The following TCF7 variants were observed in gnomAD, a reference collection of about 807,000 sequenced individuals.
The protein encoded by TCF7 is T-cell-factor-7.
In TCF7, 19 loss-of-function variants were observed where a neutral mutation model predicts 46.8. That is an observed-to-expected ratio of 0.41 (90% CI 0.28 to 0.60). The LOEUF (loss-of-function observed/expected upper bound fraction) is 0.60, where lower values mean the gene tolerates loss of function less well. Ranked by LOEUF, TCF7 falls within the 20% of genes least tolerant of loss-of-function variation. The pLI is 0.35. For missense variants in TCF7, 547 were observed against 504.6 expected (o/e 1.08, Z -0.81); for synonymous variants, 245 against 213.4 (o/e 1.15, Z -1.29).
chr5:134,135,065 T>G (rs1001565453), intron 3 of TCF7, among the ~76,000 whole-genome samples: 1 of 152,196 alleles, frequency 6.6e-6, no homozygotes, highest in African/African-American at 2.4e-5. Context: ...ATGATCCTCC[T>G]CCCTCAACCT....
intron 3 of TCF7, among the ~76,000 whole-genome samples, chr5:134,130,374 G>A (rs978069031): frequency 3.3e-5 from 5 of 152,190 alleles, no homozygotes; most frequent in African/African-American, 1.2e-4. Flanking sequence ...AGACACAGAC[G>A]CCTAGGGAGC....
At chr5:134,119,571 C>T (rs114884188) in intron 3 of TCF7, among the ~76,000 whole-genome samples, 149 of 152,362 alleles carry the variant, frequency 9.8e-4, no homozygotes, top group African/African-American at 3.5e-3. Context: ...TGTCCCTGAT[C>T]TCCACAGTTG....
At chr5:134,138,435 G>T (rs775979503) in intron 4 of TCF7, among the ~76,000 whole-genome samples, 1 of 152,256 alleles carries the variant, frequency 6.6e-6, no homozygotes, top group Non-Finnish European at 1.5e-5. Context: ...GCATTGCTGA[G>T]AACTGTAAAA....
chr5:134,115,117 G>A lies in TCF7; in HGVS notation c.211G>A (p.Val71Ile), dbSNP rs972783990. The change falls in exon 1 of 10, where the codon GTC becomes ATC. Residue 71 changes from valine (V) to isoleucine (I), a missense_variant. This residue lies in a region of TCF7 where 425 missense variants were observed against 349.9 expected (regional missense o/e 1.21). Coordinates refer to ENST00000342854, the MANE Select transcript of TCF7 (RefSeq NM_003202.5). ...GGCCGGCGGCGCAGGGATCCCGGGG[G>A]TCCCGGGGGCCGGCGCCGGGGCCCG... Reference protein sequence around the residue: ...GAAGGAGIPGVPGAGAGARGE... With the variant: ...GAAGGAGIPGIPGAGAGARGE... The A allele has an allele frequency of 1.3e-4, 136 of 1,023,754 alleles. No individual in the cohort carries two copies. In the African/African-American group the frequency reaches 2.3e-3, roughly 17 times the overall value. 63.4% of individuals were successfully genotyped at this position (1,023,754 alleles called of 1,614,324 possible). A position where few individuals can be genotyped will look rare whatever the true frequency, so the allele number is the denominator to read the frequency against.
chr5:134,110,673 C>G (rs568510650), upstream of TCF7, among the ~76,000 whole-genome samples: 6 of 152,372 alleles, frequency 3.9e-5, no homozygotes, highest in South Asian at 1.2e-3. Flanking sequence ...CAAGCCCCAA[C>G]AGGATGCCAG....
rs1759912310 is a variant in TCF7, at chr5:134,142,235, C to T, written c.686C>T (p.Ala229Val). 6 of 1,612,502 alleles carry T rather than the reference C, an allele frequency of 3.7e-6. No homozygotes were observed. Among genetic ancestry groups the T allele is most frequent in the Non-Finnish European group, 5.1e-6 (6 of 1,178,630 alleles). The change falls in exon 6 of 10, where the codon GCA becomes GTA. Residue 229 changes from alanine to valine, a missense_variant. This residue lies in a region of TCF7 where 425 missense variants were observed against 349.9 expected (regional missense o/e 1.21). Transcript: ENST00000342854. ...GGTTCTGGTGTACCTGGTCACCCAG[C>T]AGCCATCCCCCACCCGGCCATTGTG... is the stretch of plus-strand genomic sequence containing the variant. The part of the protein sequence containing the change: ...MLGSGVPGHP[A>V]AIPHPAIVPP...
rs749320740 is a variant in TCF7, at chr5:134,142,878, C to T, written c.913C>T (p.Arg305Cys). The T allele has an allele frequency of 1.2e-6, 2 of 1,613,750 alleles. No homozygotes were observed. Among genetic ancestry groups the T allele is most frequent in the South Asian group, 1.1e-5 (1 of 91,050 alleles). Residue 305 changes from arginine to cysteine, a missense_variant, in exon 7 of 10, where the codon CGC (arginine) becomes TGC (cysteine). Arg to Cys is a radical substitution (Grantham distance 180). Around this residue, in one of 3 missense-constraint regions of TCF7, gnomAD observed 32 missense variants for 65.9 expected, o/e 0.49. Transcript: ENST00000342854. ...CGCTGCCATCAACCAGATCCTGGGC[C>T]GCAGGGTGAGACCATGGGCAGGTGG... ...ESAAINQILG[R>C]RWHALSREEQ...
chr5:134,118,791 G>GT (rs1430229947), intron 3 of TCF7, among the ~76,000 whole-genome samples: 2 of 151,964 alleles, frequency 1.3e-5, no homozygotes, highest in Admixed American at 6.6e-5. Context: ...TTGTGTTTGT[G>GT]TTTTTTTAGA....
chr5:134,128,023 TAG>T (rs1491171219), intron 3 of TCF7, among the ~76,000 whole-genome samples: 1 of 152,190 alleles, frequency 6.6e-6, no homozygotes, highest in East Asian at 1.9e-4. Context: ...CCCCCAGGCA[TAG>T]AGAGACTTGC....
chr5:134,122,100 G>A, intron 3 of TCF7, among the ~76,000 whole-genome samples: 1 of 152,146 alleles, frequency 6.6e-6, no homozygotes, highest in East Asian at 1.9e-4. Context: ...TGCTTCCAAG[G>A]TGGGACTTTG....
intron 3 of TCF7, among the ~76,000 whole-genome samples, chr5:134,122,385 T>C (rs1356542260): frequency 6.6e-6 from 1 of 152,128 alleles, no homozygotes; most frequent in Non-Finnish European, 1.5e-5. Flanking sequence ...CCCCAGGCTC[T>C]ACCAGGTTCC....
At chr5:134,117,967 G>C (rs913479283) in intron 3 of TCF7, among the ~76,000 whole-genome samples, 23 of 152,200 alleles carry the variant, frequency 1.5e-4, no homozygotes, top group African/African-American at 5.6e-4. Context: ...AGAGGTGTAA[G>C]TTGGAGTGAC....
chr5:134,109,641 G>A, the TCF7 span, among the ~76,000 whole-genome samples: 1 of 152,164 alleles, frequency 6.6e-6, no homozygotes, highest in East Asian at 1.9e-4. Flanking sequence ...GTGGTGGCAG[G>A]TGCCTGTAAT....
intron 1 of TCF7, 60 bp from the exon 2 acceptor site, chr5:134,115,261 G>A: frequency 6.8e-7 from 1 of 1,472,618 alleles, no homozygotes; most frequent in Non-Finnish European, 9.1e-7. Context: ...CCCTGCCCCG[G>A]CGTCGGCCCC....
At chr5:134,143,213 AG>A (rs1402328179) in intron 8 of TCF7, 113 bp downstream of exon 8, 1 of 1,211,798 alleles carries the variant, frequency 8.3e-7, no homozygotes, top group Admixed American at 2.0e-5. Flanking sequence ...GGCACCGATG[AG>A]GAAGGGCACG....
chr5:134,114,767 C>A lies in TCF7; in HGVS notation c.-140C>A. 1 of 853,042 alleles carries A rather than the reference C, an allele frequency of 1.2e-6. No homozygotes were observed. Among genetic ancestry groups the A allele is most frequent in the Non-Finnish European group, 1.4e-6 (1 of 710,820 alleles). The allele number at this position is 853,042 out of a possible 1,614,324, so 52.8% of individuals were successfully genotyped here. On this transcript the variant is annotated 5_prime_UTR_variant, in exon 1 of 10. Transcript: ENST00000342854. ...GCCCTAGCCCGCGCCTGCAGCCCGC[C>A]CAGGCGGAGTCAGCCCGCGCTCCGC...
At chr5:134,139,265 G>C in intron 5 of TCF7, 2 of 609,272 alleles carry the variant, frequency 3.3e-6, no homozygotes. Flanking sequence ...CTTTGGAGAG[G>C]CAGGAGAGCT....
intron 3 of TCF7, among the ~76,000 whole-genome samples, chr5:134,135,542 G>T (rs1758745116): frequency 6.6e-6 from 1 of 152,160 alleles, no homozygotes; most frequent in Non-Finnish European, 1.5e-5. Context: ...GAGTATCAGA[G>T]AAAAAGGAGT....
At chr5:134,118,980 A>G (rs1756211044) in intron 3 of TCF7, among the ~76,000 whole-genome samples, 1 of 152,124 alleles carries the variant, frequency 6.6e-6, no homozygotes. Context: ...AATGGGTCTC[A>G]CTGTGTTGCC....
Sources: allele counts gnomAD v4.1 joint callset (sites outside exome capture counted in the v4.1 genomes callset), GRCh38; gene constraint gnomAD v4.1.1; regional missense constraint gnomAD v4.1.1; transcripts MANE v1.5; gene names NCBI Gene and HGNC (gene_info 2026-07-23, HGNC 2026-07-21).